The following MYRIP variants were observed in gnomAD, a reference collection of about 807,000 sequenced individuals.
The protein encoded by MYRIP is rab effector MyRIP.
MYRIP carries 49 observed loss-of-function variants against 98.0 expected under a neutral mutation model. That is an observed-to-expected ratio of 0.50 (90% CI 0.40 to 0.63). The LOEUF is 0.63. MYRIP is among the 30% of genes least tolerant of loss of function. The pLI is 0.00. For synonymous variants in MYRIP, 404 were observed against 409.5 expected, an observed-to-expected ratio of 0.99 and a Z score of 0.16; for missense variants, 1,004 against 1,058.2, an observed-to-expected ratio of 0.95 and a Z score of 0.71.
intron 12 of MYRIP, among the ~76,000 whole-genome samples, chr3:40,237,976 G>GT (rs71618926): frequency 3.6e-4 from 54 of 152,072 alleles, no homozygotes; most frequent in East Asian, 7.7e-4. Flanking sequence ...TTAATTGTAT[G>GT]TTTTTTTTCC....
intron 2 of MYRIP, among the ~76,000 whole-genome samples, chr3:40,036,570 G>T (rs1283807543): frequency 6.6e-6 from 1 of 152,052 alleles, no homozygotes; most frequent in Non-Finnish European, 1.5e-5. Flanking sequence ...TGCTATTGAT[G>T]ATTGCTGAGT....
At chr3:40,154,512 A>T (rs982167213) in intron 4 of MYRIP, among the ~76,000 whole-genome samples, 6 of 152,210 alleles carry the variant, frequency 3.9e-5, no homozygotes, top group African/African-American at 9.7e-5. Flanking sequence ...GAGTGCTCAC[A>T]TGGCTTCTCT....
intron 2 of MYRIP, among the ~76,000 whole-genome samples, chr3:39,957,698 GAAAT>G (rs546446320): frequency 0.029 from 4,389 of 152,168 alleles, 201 homozygotes; most frequent in African/African-American, 0.1. Flanking sequence ...GCAGGAGAAA[GAAAT>G]AAAGGGTATT....
chr3:40,117,781 T>C (rs367563900), intron 3 of MYRIP, among the ~76,000 whole-genome samples: 8 of 152,182 alleles, frequency 5.3e-5, no homozygotes, highest in African/African-American at 1.9e-4. Flanking sequence ...CTACCTGACA[T>C]TGAAATTAAT....
chr3:40,146,917 G>T (rs552854068), intron 3 of MYRIP, among the ~76,000 whole-genome samples: 1 of 152,220 alleles, frequency 6.6e-6, no homozygotes, highest in East Asian at 1.9e-4. Flanking sequence ...GTAGTTTTCT[G>T]AATCTTCTTT....
At chr3:40,049,992 A>T (rs1947756668) in intron 3 of MYRIP, among the ~76,000 whole-genome samples, 1 of 152,154 alleles carries the variant, frequency 6.6e-6, no homozygotes, top group Non-Finnish European at 1.5e-5. Context: ...GCAGTGGAAA[A>T]GTTTGAAGCT....
intron 3 of MYRIP, among the ~76,000 whole-genome samples, chr3:40,148,764 T>C (rs748890256): frequency 1.3e-5 from 2 of 152,238 alleles, no homozygotes; most frequent in African/African-American, 2.4e-5. Flanking sequence ...TCTTATGCCA[T>C]TGGATTGTTG....
At chr3:40,055,180 T>G (rs6599078) in intron 3 of MYRIP, among the ~76,000 whole-genome samples, 44,246 of 152,074 alleles carry the variant, frequency 0.29, 6,511 homozygotes, top group East Asian at 0.35. Context: ...CACCTTTTTA[T>G]CATATAATCA....
intron 16 of MYRIP, among the ~76,000 whole-genome samples, chr3:40,253,552 A>G (rs1953464290): frequency 6.6e-6 from 1 of 152,236 alleles, no homozygotes; most frequent in African/African-American, 2.4e-5. Context: ...GTAGGGGTGA[A>G]CTTGGAGCAT....
At chr3:39,945,476 C>CAAAAAAA (rs67748992) in intron 2 of MYRIP, among the ~76,000 whole-genome samples, 11 of 65,166 alleles carry the variant, frequency 1.7e-4, no homozygotes, top group African/African-American at 2.2e-4. Flanking sequence ...GACTCCATCT[C>CAAAAAAA]AAAAAAAAAA....
At chr3:39,934,583 T>C (rs1944616102) in intron 2 of MYRIP, among the ~76,000 whole-genome samples, 1 of 152,114 alleles carries the variant, frequency 6.6e-6, no homozygotes, top group South Asian at 2.1e-4. Context: ...ACCTTCCTTC[T>C]TTAGTTTTGC....
intron 3 of MYRIP, among the ~76,000 whole-genome samples, chr3:40,093,377 C>T (rs1948764125): frequency 6.6e-6 from 1 of 152,208 alleles, no homozygotes; most frequent in Admixed American, 6.5e-5. Flanking sequence ...CAACCCAAAA[C>T]CCAAGACCTC....
intron 2 of MYRIP, among the ~76,000 whole-genome samples, chr3:39,998,717 C>G (rs1159367751): frequency 2.0e-5 from 3 of 152,240 alleles, no homozygotes. Flanking sequence ...CCCGCATTGC[C>G]AAGTCAATCC....
At chr3:39,947,679 C>T (rs1306828046) in intron 2 of MYRIP, among the ~76,000 whole-genome samples, 1 of 152,068 alleles carries the variant, frequency 6.6e-6, no homozygotes, top group Non-Finnish European at 1.5e-5. Flanking sequence ...GAGGTGGGAG[C>T]ATCACTTGAA....
chr3:39,967,422 C>G (rs1050714085), intron 2 of MYRIP, among the ~76,000 whole-genome samples: 1 of 152,108 alleles, frequency 6.6e-6, no homozygotes, highest in South Asian at 2.1e-4. Flanking sequence ...AGATCTTATT[C>G]ATTTTTAGGG....
At chr3:39,983,252 C>T (rs1009333735) in intron 2 of MYRIP, among the ~76,000 whole-genome samples, 1 of 152,128 alleles carries the variant, frequency 6.6e-6, no homozygotes, top group African/African-American at 2.4e-5. Flanking sequence ...ACCATCAAGT[C>T]AGGAAAAGGG....
chr3:39,958,031 G>A (rs1945214016), intron 2 of MYRIP, among the ~76,000 whole-genome samples: 1 of 152,098 alleles, frequency 6.6e-6, no homozygotes, highest in Non-Finnish European at 1.5e-5. Flanking sequence ...AATAAAAGAG[G>A]ATACAAACAA....
intron 10 of MYRIP, among the ~76,000 whole-genome samples, chr3:40,194,164 T>C (rs1283430061): frequency 6.6e-6 from 1 of 152,094 alleles, no homozygotes; most frequent in East Asian, 1.9e-4. Flanking sequence ...TTAAGGATTT[T>C]TTTTCCAATT....
intron 3 of MYRIP, among the ~76,000 whole-genome samples, chr3:40,137,203 T>C (rs1229242945): frequency 6.6e-6 from 1 of 152,084 alleles, no homozygotes; most frequent in Non-Finnish European, 1.5e-5. Context: ...AAAGGGGATA[T>C]CAACACTGAT....
Sources: gnomAD v4.1 joint callset for allele counts (sites outside exome capture counted in the v4.1 genomes callset) on GRCh38, gnomAD v4.1.1 for gene constraint, MANE v1.5 for transcripts, NCBI Gene and HGNC (gene_info 2026-07-23, HGNC 2026-07-21) for gene names.